SKAP2: variants seen among roughly 807,000 people sequenced by gnomAD.
The protein encoded by SKAP2 is src kinase-associated phosphoprotein 2.
SKAP2 carries 28 observed loss-of-function variants against 54.9 expected under a neutral mutation model. The ratio of observed to expected loss-of-function variants is 0.51; its 90% CI spans 0.38 to 0.70. SKAP2 has a LOEUF of 0.70. Ranked by LOEUF, SKAP2 falls within the 30% of genes least tolerant of loss-of-function variation. SKAP2 has a pLI of 0.00. For missense variants in SKAP2, 356 were observed against 424.1 expected (o/e 0.84, Z 1.41); for synonymous variants, 137 against 134.3 (o/e 1.02, Z -0.14).
At chr7:26,856,409 A>C (rs1785164688) in intron 1 of SKAP2, among the ~76,000 whole-genome samples, 1 of 152,192 alleles carries the variant, frequency 6.6e-6, no homozygotes. Context: ...AAAAAAAAGT[A>C]TGAAAATGAA....
In SKAP2 at chr7:26,861,553, CTAGA is replaced by C. The variant is rs977611323; in HGVS notation, c.67+2806_67+2809del. Reference sequence around the variant, plus strand: ...ACAGAAAATATAACTAAAAATCAAACTAGATAGCCACTTTTTCAATGGTATCTTT... The same window carrying C: ...ACAGAAAATATAACTAAAAATCAAACTAGCCACTTTTTCAATGGTATCTTT... On this transcript the variant is annotated intron_variant, in intron 1 of 12. Transcript: ENST00000345317. Among the ~76,000 whole-genome samples, 141 of 150,124 alleles carry C rather than the reference CTAGA, an allele frequency of 9.4e-4. 1 individual carries two copies. Among genetic ancestry groups the C allele is most frequent in the Non-Finnish European group, 1.5e-3 (102 of 67,670 alleles).
chr7:26,755,660 T>C (rs2127968366), intron 4 of SKAP2, among the ~76,000 whole-genome samples: 1 of 152,332 alleles, frequency 6.6e-6, no homozygotes, highest in Non-Finnish European at 1.5e-5. Flanking sequence ...TCTTCACTGC[T>C]GTATCCCTAG....
chr7:26,777,729 A>G (rs972066293), intron 4 of SKAP2, among the ~76,000 whole-genome samples: 1 of 152,168 alleles, frequency 6.6e-6, no homozygotes, highest in African/African-American at 2.4e-5. Flanking sequence ...ATATATCACA[A>G]AAGTCCAGAG....
intron 3 of SKAP2, among the ~76,000 whole-genome samples, chr7:26,847,420 T>G (rs1262486453): frequency 6.6e-6 from 1 of 151,996 alleles, no homozygotes; most frequent in Non-Finnish European, 1.5e-5. Flanking sequence ...AACGCAGGGG[T>G]TACTGTTGAG....
At chr7:26,693,306 T>A (rs1273478269) in intron 9 of SKAP2, among the ~76,000 whole-genome samples, 9 of 128,834 alleles carry the variant, frequency 7.0e-5, no homozygotes, top group Non-Finnish European at 1.2e-4. Flanking sequence ...CACTCCAGTC[T>A]GGGCGACAAG....
chr7:26,717,729 G>A (rs1336073788), intron 9 of SKAP2, among the ~76,000 whole-genome samples: 1 of 150,968 alleles, frequency 6.6e-6, no homozygotes, highest in African/African-American at 2.4e-5. Flanking sequence ...GTACTTGGGA[G>A]GCTGAGGCAG....
chr7:26,785,201 GT>G (rs910718480), intron 4 of SKAP2, among the ~76,000 whole-genome samples: 1 of 150,736 alleles, frequency 6.6e-6, no homozygotes, highest in Admixed American at 6.6e-5. Context: ...TTTTTTGTTT[GT>G]TTTTTTTTAA....
chr7:26,723,334 G>A (rs1787619141), intron 9 of SKAP2, among the ~76,000 whole-genome samples: 2 of 152,140 alleles, frequency 1.3e-5, no homozygotes, highest in Admixed American at 6.5e-5. Context: ...CATTGGGGAA[G>A]AAGGGAACTA....
downstream of SKAP2, among the ~76,000 whole-genome samples, chr7:26,663,783 C>G (rs1316107604): frequency 6.6e-6 from 1 of 152,064 alleles, no homozygotes; most frequent in Non-Finnish European, 1.5e-5. Context: ...GGAAAAGGTC[C>G]TTAGAAAAGG....
At chr7:26,659,777 C>G in the SKAP2 span, among the ~76,000 whole-genome samples, 2 of 151,926 alleles carry the variant, frequency 1.3e-5, no homozygotes, top group Non-Finnish European at 2.9e-5. Context: ...ATACAGAATT[C>G]CCTTCATAAG....
At chr7:26,838,255 A>T (rs1784753358) in intron 4 of SKAP2, among the ~76,000 whole-genome samples, 1 of 152,022 alleles carries the variant, frequency 6.6e-6, no homozygotes, top group Non-Finnish European at 1.5e-5. Flanking sequence ...TTTGGCATTC[A>T]GCTCCTACTA....
intron 4 of SKAP2, among the ~76,000 whole-genome samples, chr7:26,756,687 A>T (rs1279016400): frequency 6.6e-6 from 1 of 152,202 alleles, no homozygotes; most frequent in Non-Finnish European, 1.5e-5. Context: ...TCCTTTGGGT[A>T]TATACCCAGT....
In SKAP2 at chr7:26,843,946, A is replaced by G. The variant is rs916083705; in HGVS notation, c.307+84T>C. On this transcript the variant is annotated intron_variant, in intron 4 of 12. Transcript: ENST00000345317. Reference sequence around the variant, plus strand: ...TAAGTTAACCGAAGCCTCTATGTTCATCTGCTTTCTCATAAAACTACCACC... The same window carrying G: ...TAAGTTAACCGAAGCCTCTATGTTCGTCTGCTTTCTCATAAAACTACCACC... 4.7e-6 allele frequency: 4 copies of G among 850,976 alleles called. No homozygotes were observed. The African/African-American group carries it at 5.1e-5, about 11-fold the overall frequency. 52.7% of individuals were successfully genotyped at this position (850,976 alleles called of 1,614,324 possible). A position where few individuals can be genotyped will look rare whatever the true frequency, so the allele number is the denominator to read the frequency against.
At chr7:26,734,729 T>C (rs953852383) in intron 6 of SKAP2, among the ~76,000 whole-genome samples, 1 of 152,160 alleles carries the variant, frequency 6.6e-6, no homozygotes, top group Non-Finnish European at 1.5e-5. Flanking sequence ...TACCGTCACA[T>C]GGCGGAAAGG....
chr7:26,757,182 TC>T (rs1335350016), intron 4 of SKAP2, among the ~76,000 whole-genome samples: 1 of 152,222 alleles, frequency 6.6e-6, no homozygotes, highest in African/African-American at 2.4e-5. Flanking sequence ...TTTAATTAGA[TC>T]CCATTTGTCA....
At chr7:26,846,185 CA>C (rs992528420) in intron 3 of SKAP2, among the ~76,000 whole-genome samples, 23 of 151,118 alleles carry the variant, frequency 1.5e-4, no homozygotes, top group African/African-American at 4.9e-4. Context: ...AATCTTGCTG[CA>C]AAAAAAAGTA....
At chr7:26,726,336 C>T (rs1361310856) in intron 7 of SKAP2, among the ~76,000 whole-genome samples, 1 of 152,140 alleles carries the variant, frequency 6.6e-6, no homozygotes, top group African/African-American at 2.4e-5. Context: ...TAAAAATGTT[C>T]TTGTCAGATT....
intron 7 of SKAP2, chr7:26,726,631 G>T: frequency 3.2e-6 from 1 of 315,066 alleles, no homozygotes; most frequent in Non-Finnish European, 5.8e-6. Context: ...TATGCAACAT[G>T]TGTGCAACAT....
At chr7:26,728,647 G>A (rs1015569645) in intron 6 of SKAP2, among the ~76,000 whole-genome samples, 127 of 152,186 alleles carry the variant, frequency 8.3e-4, no homozygotes, top group African/African-American at 2.8e-3. Context: ...TAGGTTTGCC[G>A]AGATAAAAGC....
Sources: gnomAD v4.1 joint callset for allele counts (sites outside exome capture counted in the v4.1 genomes callset) on GRCh38, gnomAD v4.1.1 for gene constraint, MANE v1.5 for transcripts, NCBI Gene and HGNC (gene_info 2026-07-23, HGNC 2026-07-21) for gene names.